NACA: variants seen among roughly 807,000 people sequenced by gnomAD.
NACA encodes nascent polypeptide associated complex subunit alpha.
In NACA, 42 loss-of-function variants were observed where a neutral mutation model predicts 86.4. That is an observed-to-expected ratio of 0.49 (90% CI 0.38 to 0.63). The LOEUF is 0.63. Ranked by LOEUF, NACA falls within the 20% of genes least tolerant of loss-of-function variation. The pLI is 0.00. For synonymous variants in NACA, 898 were observed against 973.7 expected (o/e 0.92, Z 1.45); for missense variants, 2,157 against 2,483.6 (o/e 0.87, Z 2.80).
chr12:56,720,588 C>A lies in NACA; in HGVS notation c.942G>T (p.Gln314His), dbSNP rs1205197160. ...SLGSHLAPLHQSSFGSVQLLG... is the reference protein window; with the variant it reads ...SLGSHLAPLHHSSFGSVQLLG... Reference sequence around the variant, plus strand: ...AAAGTTGGACAGAACCAAAAGAACTCTGATGTAAAGGTGCAAGATGAGAGC... The same window carrying A: ...AAAGTTGGACAGAACCAAAAGAACTATGATGTAAAGGTGCAAGATGAGAGC... Residue 314 changes from glutamine to histidine, a missense_variant, in exon 3 of 9, where the codon CAG becomes CAT. Physicochemically the swap from Gln to His is conservative, Grantham distance 24 (BLOSUM62 0). This residue lies in a region of NACA where 947 missense variants were observed against 917.9 expected (regional missense o/e 1.03). Transcript: ENST00000454682. The A allele has an allele frequency of 1.2e-6, 2 of 1,613,800 alleles. No individual in the cohort carries two copies. Among genetic ancestry groups the A allele is most frequent in the Admixed American group, 3.3e-5 (2 of 60,000 alleles).
chr12:56,717,011 C>G lies in NACA; in HGVS notation c.4519G>C (p.Ala1507Pro). ...PAPMGAPTLP[A>P]VIPSSPKEVP... ...TCTTTGGGGGAAGAAGGAATCACAGCTGGCAGAGTGGGGGCCCCCATGGGG... is the reference window on the plus strand; with the variant it reads ...TCTTTGGGGGAAGAAGGAATCACAGGTGGCAGAGTGGGGGCCCCCATGGGG... Residue 1507 changes from alanine to proline, a missense_variant, in exon 3 of 9, where the codon GCT becomes CCT. By Grantham distance (27) the Ala-to-Pro change is conservative. Coordinates refer to ENST00000454682, the MANE Select transcript of NACA (RefSeq NM_001365896.1). The G allele has an allele frequency of 8.0e-7, 1 of 1,248,976 alleles. No individual in the cohort carries two copies. The highest frequency in any genetic ancestry group is 1.0e-6 in the Non-Finnish European group (1 of 977,688). 77.4% of individuals were successfully genotyped at this position (1,248,976 alleles called of 1,614,324 possible). A position where few individuals can be genotyped will look rare whatever the true frequency, so the allele number is the denominator to read the frequency against.
chr12:56,712,926 A>C lies in NACA; in HGVS notation c.6100-18T>G. 6.2e-7 allele frequency: 1 copy of C among 1,614,118 alleles called. No individual in the cohort carries two copies. The highest frequency in any genetic ancestry group is 1.3e-5 in the African/African-American group (1 of 75,064). ...TCATCGACCTGAGAGATGAGAGGGA[A>C]AAAGCAGTAAATTAAAGGCAAGAAC... is the stretch of plus-strand genomic sequence containing the variant. On this transcript the variant is annotated intron_variant, in intron 7 of 8. Coordinates refer to ENST00000454682, the MANE Select transcript of NACA (RefSeq NM_001365896.1).
Position 56,716,705 on chromosome 12 carries a change from A to G in NACA, c.4825T>C (p.Ser1609Pro). The G allele has an allele frequency of 1.4e-6, 2 of 1,399,310 alleles. No individual in the cohort carries two copies. The highest frequency in any genetic ancestry group is 1.9e-6 in the Non-Finnish European group (2 of 1,052,872). The allele number at this position is 1,399,310 out of a possible 1,614,324, so 86.7% of individuals were successfully genotyped here. A position where few individuals can be genotyped will look rare whatever the true frequency, so the allele number is the denominator to read the frequency against. Residue 1609 changes from serine (S) to proline (P), a missense_variant, in exon 3 of 9, where the codon TCC becomes CCC. Physicochemically the swap from Ser to Pro is moderately conservative, Grantham distance 74 (BLOSUM62 -1). This residue lies in a region of NACA where 797 missense variants were observed against 777.6 expected (regional missense o/e 1.02). Transcript: ENST00000454682. Reference protein sequence around the residue: ...LLIPPAVTSPSPKEAPTPPAV... With the variant: ...LLIPPAVTSPPPKEAPTPPAV... ...GGAGGAGTAGGTGCCTCTTTGGGGGAAGGAGAAGTCACAGCTGGTGGAATG... is the reference window on the plus strand; with the variant it reads ...GGAGGAGTAGGTGCCTCTTTGGGGGGAGGAGAAGTCACAGCTGGTGGAATG...
At chr12:56,715,764 G>A in intron 3 of NACA, 107 bp downstream of exon 3, 1 of 1,014,880 alleles carries the variant, frequency 9.9e-7, no homozygotes, top group Non-Finnish European at 1.4e-6. Context: ...AACCCAAGCA[G>A]ATTCACTGGA....
At position 56,716,217 on chromosome 12, in the gene NACA, G is replaced by A. The variant is rs766905792; in HGVS notation, c.5313C>T (p.Thr1771=). The change falls in exon 3 of 9, where the codon ACC becomes ACT. Residue 1771 remains threonine (T), a synonymous_variant. Coordinates refer to ENST00000454682, the MANE Select transcript of NACA (RefSeq NM_001365896.1). ...TCTCAAAGGCAGCTGCTGTTAGAGG[G>A]GTGGACGCCTTAGACTCAGGAGGAG... ...PLAPPESKAS[T]PLTAAAFEKV... 6.2e-7 allele frequency: 1 copy of A among 1,613,784 alleles called. No individual in the cohort carries two copies. Among genetic ancestry groups the A allele is most frequent in the East Asian group, 2.2e-5 (1 of 44,890 alleles).
At chr12:56,712,723 A>G (rs779462506) in intron 8 of NACA, 63 bp downstream of exon 8, 1 of 1,609,448 alleles carries the variant, frequency 6.2e-7, no homozygotes, top group Non-Finnish European at 8.5e-7. Context: ...AGCAAGACAA[A>G]ATAAAGTCAC....
Position 56,713,654 on chromosome 12 carries a change from A to C in NACA, c.5853T>G (p.Val1951=), listed in dbSNP as rs1308481206. 1 of 1,614,168 alleles carries C rather than the reference A, an allele frequency of 6.2e-7. No homozygotes were observed. The highest frequency in any genetic ancestry group is 8.5e-7 in the Non-Finnish European group (1 of 1,180,002). ...KAMSKLGLRQ[V]TGVTRVTIRK... ...GGATAGTGACTCTAGTAACTCCTGT[A>C]ACCTGCCGAAGACCCAGTTTGGACA... The change falls in exon 6 of 9, where the codon GTT becomes GTG. Residue 1951 remains valine (V), a synonymous_variant. Transcript: ENST00000454682.
Position 56,719,821 on chromosome 12 carries a change from G to T in NACA, c.1709C>A (p.Ser570Tyr), listed in dbSNP as rs772713395. 6.2e-7 allele frequency: 1 copy of T among 1,613,852 alleles called. No individual in the cohort carries two copies. Among genetic ancestry groups the T allele is most frequent in the Admixed American group, 1.7e-5 (1 of 60,022 alleles). ...LPLVQAAPKN[S>Y]PSFQSTSSSP... ...AGAGGATGTACTTTGGAAAGAAGGG[G>T]AATTTTTAGGGGCTGCCTGGACTAA... Residue 570 changes from serine to tyrosine, a missense_variant, in exon 3 of 9, where the codon TCC becomes TAC. By Grantham distance (144) the Ser-to-Tyr change is moderately radical. Transcript: ENST00000454682.
intron 2 of NACA, among the ~76,000 whole-genome samples, chr12:56,723,985 T>G (rs1024164236): frequency 6.6e-6 from 1 of 152,144 alleles, no homozygotes; most frequent in Non-Finnish European, 1.5e-5. Flanking sequence ...TGGGGCCCAG[T>G]AGGACACATT....
At position 56,720,670 on chromosome 12, in the gene NACA, G is replaced by C; in HGVS notation, c.860C>G (p.Thr287Ser). The C allele has an allele frequency of 6.2e-7, 1 of 1,614,010 alleles. No individual in the cohort carries two copies. Among genetic ancestry groups the C allele is most frequent in the Non-Finnish European group, 8.5e-7 (1 of 1,179,910 alleles). Residue 287 changes from threonine to serine, a missense_variant, in exon 3 of 9, where the codon ACC becomes AGC. Physicochemically the swap from Thr to Ser is moderately conservative, Grantham distance 58. Around this residue, in one of 8 missense-constraint regions of NACA, gnomAD observed 947 missense variants for 917.9 expected, o/e 1.03. Transcript: ENST00000454682. ...GGGACCCGCAGTCTTTTGAGAAGAG[G>C]TCACCACAGGAAGAGACTGAGTTGA... Reference protein sequence around the residue: ...SLSTQSLPVVTSSQKTAGPNT... With the variant: ...SLSTQSLPVVSSSQKTAGPNT...
At position 56,720,259 on chromosome 12, in the gene NACA, T is replaced by A; in HGVS notation, c.1271A>T (p.His424Leu). 1 of 1,613,716 alleles carries A rather than the reference T, an allele frequency of 6.2e-7. No individual in the cohort carries two copies. Among genetic ancestry groups the A allele is most frequent in the Non-Finnish European group, 8.5e-7 (1 of 1,179,720 alleles). Residue 424 changes from histidine (H) to leucine (L), a missense_variant, in exon 3 of 9, where the codon CAT (histidine) becomes CTT (leucine). His to Leu is a moderately conservative substitution (Grantham distance 99). Coordinates refer to ENST00000454682, the MANE Select transcript of NACA (RefSeq NM_001365896.1). Reference protein sequence around the residue: ...ILKSSPNATYHYPLVAQMPVS... With the variant: ...ILKSSPNATYLYPLVAQMPVS... ...GGGCATTTGGGCCACTAAAGGATAA[T>A]GATAAGTGGCATTAGGAGAGCTTTT...
intron 1 of NACA, 66 bp from the exon 2 acceptor site, chr12:56,724,589 A>T (rs569290479): frequency 1.0e-4 from 157 of 1,517,404 alleles, no homozygotes; most frequent in Non-Finnish European, 1.4e-4. Context: ...CAACCCGGAG[A>T]TAAGTATTCT....
In NACA at chr12:56,720,718, C is replaced by G. The variant is rs201846289; in HGVS notation, c.812G>C (p.Ser271Thr). 4.3e-6 allele frequency: 7 copies of G among 1,613,932 alleles called. No homozygotes were observed. In the East Asian group the frequency reaches 1.6e-4, roughly 36 times the overall value. Reference sequence around the variant, plus strand: ...TGAAAGAGATAAGGCAGCAGGTGGACTAACAGGCCCCTTCAGGCTGAGGCT... The same window carrying G: ...TGAAAGAGATAAGGCAGCAGGTGGAGTAACAGGCCCCTTCAGGCTGAGGCT... ...PGSLSLKGPV[S>T]PPAALSLSTQ... Residue 271 changes from serine to threonine, a missense_variant, in exon 3 of 9, where the codon AGT becomes ACT. Physicochemically the swap from Ser to Thr is moderately conservative, Grantham distance 58 (BLOSUM62 1). Transcript: ENST00000454682.
At chr12:56,715,076 A>G (rs1953315857) in intron 3 of NACA, among the ~76,000 whole-genome samples, 1 of 152,196 alleles carries the variant, frequency 6.6e-6, no homozygotes, top group South Asian at 2.1e-4. Context: ...CCCCAGATAC[A>G]CTTAAGTGAA....
rs1953554641 is a variant in NACA, at chr12:56,720,884, A to G, written c.646T>C (p.Cys216Arg). 6.2e-7 allele frequency: 1 copy of G among 1,613,864 alleles called. No homozygotes were observed. Among genetic ancestry groups the G allele is most frequent in the African/African-American group, 1.3e-5 (1 of 74,908 alleles). The change falls in exon 3 of 9, where the codon TGT becomes CGT. Residue 216 changes from cysteine (C) to arginine (R), a missense_variant. This residue lies in a region of NACA where 947 missense variants were observed against 917.9 expected (regional missense o/e 1.03). Transcript: ENST00000454682. Reference sequence around the variant, plus strand: ...TGAATAGAGGCCATGGGAGTCACACAGTGGTAAGGAACAGTACTGACTATA... The same window carrying G: ...TGAATAGAGGCCATGGGAGTCACACGGTGGTAAGGAACAGTACTGACTATA... Reference protein sequence around the residue: ...PCIVSTVPYHCVTPMASIQSG... With the variant: ...PCIVSTVPYHRVTPMASIQSG...
At chr12:56,714,486 A>G (rs1417868365) in intron 4 of NACA, 47 bp from the exon 5 acceptor site, 8 of 1,602,030 alleles carry the variant, frequency 5.0e-6, no homozygotes, top group Non-Finnish European at 6.0e-6. Flanking sequence ...TAAGATCTGG[A>G]TAGCACAATC....
At chr12:56,715,395 A>G (rs2137803707) in intron 3 of NACA, among the ~76,000 whole-genome samples, 1 of 152,340 alleles carries the variant, frequency 6.6e-6, no homozygotes, top group South Asian at 2.1e-4. Context: ...ACAGATTTCT[A>G]CATTTTTATG....
chr12:56,723,340 C>T (rs761157368), intron 2 of NACA, among the ~76,000 whole-genome samples: 4 of 152,176 alleles, frequency 2.6e-5, no homozygotes, highest in Non-Finnish European at 4.4e-5. Context: ...TCAGATTATT[C>T]TAAATTCATC....
In NACA at chr12:56,720,415, G is replaced by T. The variant is rs760903215; in HGVS notation, c.1115C>A (p.Ala372Asp). The T allele has an allele frequency of 6.2e-7, 1 of 1,613,902 alleles. No homozygotes were observed. The highest frequency in any genetic ancestry group is 8.5e-7 in the Non-Finnish European group (1 of 1,179,822). ...AGATGGAGCCACCACTGGAAAGGCA[G>T]CCACAGTAGCAGGAACTACCTCATT... is the stretch of plus-strand genomic sequence containing the variant. ...SRNEVVPATV[A>D]AFPVVAPSVD... is the part of the protein sequence containing the mutation. Residue 372 changes from alanine (A) to aspartate (D), a missense_variant, in exon 3 of 9, where the codon GCT (alanine) becomes GAT (aspartate). Transcript: ENST00000454682.
Sources: allele counts gnomAD v4.1 joint callset (sites outside exome capture counted in the v4.1 genomes callset), GRCh38; gene constraint gnomAD v4.1.1; regional missense constraint gnomAD v4.1.1; transcripts MANE v1.5; gene names NCBI Gene and HGNC (gene_info 2026-07-23, HGNC 2026-07-21).